Variants in FBN1 observed in about 807,000 individuals in gnomAD.
FBN1 encodes fibrillin 1.
In FBN1, 29 loss-of-function variants were observed where a neutral mutation model predicts 365.1. The observed-to-expected ratio is 0.08, with a 90% CI of 0.06 to 0.11. The LOEUF (loss-of-function observed/expected upper bound fraction) is 0.11, where lower values mean the gene tolerates loss of function less well. FBN1 is among the 10% of genes least tolerant of loss of function. The probability of loss-of-function intolerance (pLI) is 1.00; values close to 1 mark genes in which losing one functional copy is unlikely to be tolerated. For missense variants in FBN1, 2,476 were observed against 3,703.2 expected, an observed-to-expected ratio of 0.67 and a Z score of 8.60; for synonymous variants, 1,210 against 1,270.5, an observed-to-expected ratio of 0.95 and a Z score of 1.01.
chr15:48,437,876 T>C lies in FBN1; in HGVS notation c.6205A>G (p.Lys2069Glu). Reference sequence around the variant, plus strand: ...TTTCTGGATTTGGGTGATGAACACTTTCCTCCTTCAAACTTCGCATAACAG... The same window carrying C: ...TTTCTGGATTTGGGTGATGAACACTCTCCTCCTTCAAACTTCGCATAACAG... Reference protein sequence around the residue: ...SYCYAKFEGGKCSSPKSRNHS... With the variant: ...SYCYAKFEGGECSSPKSRNHS... The change falls in exon 51 of 66, where the codon AAG becomes GAG. Residue 2069 changes from lysine (K) to glutamate (E), a missense_variant. By Grantham distance (56) the Lys-to-Glu change is moderately conservative. This residue lies in a region of FBN1 where 1,780 missense variants were observed against 2,840.8 expected (regional missense o/e 0.63). Transcript: ENST00000316623. 1 of 1,613,874 alleles carries C rather than the reference T, an allele frequency of 6.2e-7. No homozygotes were observed. Among genetic ancestry groups the C allele is most frequent in the East Asian group, 2.2e-5 (1 of 44,866 alleles).
In FBN1 at chr15:48,474,190, G is replaced by A. The variant is rs2043400468; in HGVS notation, c.4210+65C>T. The A allele has an allele frequency of 3.1e-6, 5 of 1,609,504 alleles. No individual in the cohort carries two copies. The Admixed American group carries it at 8.3e-5, about 27-fold the overall frequency. On this transcript the variant is annotated intron_variant, in intron 34 of 65. Coordinates refer to ENST00000316623, the MANE Select transcript of FBN1 (RefSeq NM_000138.5). ...GTCTTCAAAAAAGAATTGCTAGCCT[G>A]AGAAATGTGGAATGCCTGGCTTCTC...
chr15:48,621,521 G>C (rs1889764990), intron 2 of FBN1, among the ~76,000 whole-genome samples: 2 of 151,986 alleles, frequency 1.3e-5, no homozygotes, highest in African/African-American at 4.8e-5. Context: ...AACTGTCAAG[G>C]TCATTAAAAC....
intron 10 of FBN1, among the ~76,000 whole-genome samples, chr15:48,517,097 C>T (rs190980700): frequency 4.7e-4 from 71 of 152,110 alleles, no homozygotes; most frequent in Admixed American, 1.2e-3. Context: ...CTTGCCTGGA[C>T]GGGAAAAATC....
Position 48,503,943 on chromosome 15 carries a change from AAC to A in FBN1, c.1961-6_1961-5del. The A allele has an allele frequency of 3.7e-6, 6 of 1,614,098 alleles. No individual in the cohort carries two copies. The highest frequency in any genetic ancestry group is 5.1e-6 in the Non-Finnish European group (6 of 1,180,016). ...CATGTGCTCCGCATGTGTGTGTCTAAACAGGAAGAAGCATCTGTCATCACACT... is the reference window on the plus strand; with the variant it reads ...CATGTGCTCCGCATGTGTGTGTCTAAAGGAAGAAGCATCTGTCATCACACT... On this transcript the variant is annotated splice_polypyrimidine_tract_variant and splice_region_variant and intron_variant, in intron 16 of 65. Transcript: ENST00000316623.
At chr15:48,456,575 T>C in intron 44 of FBN1, 62 bp downstream of exon 44, 1 of 1,556,152 alleles carries the variant, frequency 6.4e-7, no homozygotes, top group Non-Finnish European at 8.8e-7. Flanking sequence ...TCGCCAAGTG[T>C]GTATCAAGTA....
chr15:48,640,770 G>A (rs1890184130), intron 2 of FBN1, among the ~76,000 whole-genome samples: 1 of 152,200 alleles, frequency 6.6e-6, no homozygotes, highest in African/African-American at 2.4e-5. Flanking sequence ...TGGGAAAGGA[G>A]ATCTCACTGT....
chr15:48,599,861 T>C (rs1220484574), intron 5 of FBN1, among the ~76,000 whole-genome samples: 3 of 152,204 alleles, frequency 2.0e-5, no homozygotes, highest in African/African-American at 7.2e-5. Flanking sequence ...TCTGCTCCTT[T>C]GGTGGTGACT....
chr15:48,439,123 CAG>C (rs1395917382), intron 50 of FBN1, among the ~76,000 whole-genome samples: 3 of 152,158 alleles, frequency 2.0e-5, no homozygotes, highest in Non-Finnish European at 4.4e-5. Context: ...GTAGGAATAA[CAG>C]AGTTGCCAGA....
Position 48,470,977 on chromosome 15 carries a change from C to T in FBN1, c.4337-221G>A, listed in dbSNP as rs142605367. On this transcript the variant is annotated intron_variant, in intron 35 of 65. Transcript: ENST00000316623. The stretch of plus-strand genomic sequence containing the variant: ...TCAGTCTCTATTACATGCCAAGCAG[C>T]GGGCTGAGCATTTTATAGATACATA... Among the ~76,000 whole-genome samples, 643 of 152,112 alleles carry T rather than the reference C, an allele frequency of 4.2e-3. 5 individuals are homozygous for T. The highest frequency in any genetic ancestry group is 6.8e-3 in the Middle Eastern group (2 of 294).
Position 48,465,819 on chromosome 15 carries a change from C to A in FBN1, c.4787G>T (p.Arg1596Leu). ...KILCPGGEGF[R>L]PNPITVILED... ...CAATATAACGGTGATAGGATTTGGT[C>A]GGAAACCTTCCCCTCCAGGACAAAG... The change falls in exon 39 of 66, where the codon CGA (arginine) becomes CTA (leucine). Residue 1596 changes from arginine to leucine, a missense_variant. Arg to Leu is a moderately radical substitution (Grantham distance 102). This residue lies in a region of FBN1 where 1,780 missense variants were observed against 2,840.8 expected (regional missense o/e 0.63). Coordinates refer to ENST00000316623, the MANE Select transcript of FBN1 (RefSeq NM_000138.5). The A allele has an allele frequency of 6.2e-7, 1 of 1,613,768 alleles. No individual in the cohort carries two copies. Among genetic ancestry groups the A allele is most frequent in the South Asian group, 1.1e-5 (1 of 91,022 alleles).
intron 6 of FBN1, among the ~76,000 whole-genome samples, chr15:48,569,465 T>G (rs1270868404): frequency 1.3e-5 from 2 of 152,124 alleles, no homozygotes; most frequent in African/African-American, 4.8e-5. Context: ...ATTCTACACC[T>G]AAATATCCAC....
chr15:48,497,368 G>T lies in FBN1; in HGVS notation c.2191C>A (p.Pro731Thr). 1 of 1,613,744 alleles carries T rather than the reference G, an allele frequency of 6.2e-7. No individual in the cohort carries two copies. ...CAGATTCCATTTGGGCAAATATCAGGATCTAGTGCACATTCATTTATATCT... is the reference window on the plus strand; with the variant it reads ...CAGATTCCATTTGGGCAAATATCAGTATCTAGTGCACATTCATTTATATCT... Reference protein sequence around the residue: ...GSDINECALDPDICPNGICEN... With the variant: ...GSDINECALDTDICPNGICEN... Residue 731 changes from proline (P) to threonine (T), a missense_variant, in exon 19 of 66, where the codon CCT becomes ACT. Around this residue, in one of 5 missense-constraint regions of FBN1, gnomAD observed 1,780 missense variants for 2,840.8 expected, o/e 0.63. Coordinates refer to ENST00000316623, the MANE Select transcript of FBN1 (RefSeq NM_000138.5).
At position 48,534,115 on chromosome 15, in the gene FBN1, C is replaced by T. The variant is rs534859193; in HGVS notation, c.827G>A (p.Gly276Glu). 1 of 1,613,522 alleles carries T rather than the reference C, an allele frequency of 6.2e-7. No homozygotes were observed. Among genetic ancestry groups the T allele is most frequent in the African/African-American group, 1.3e-5 (1 of 74,878 alleles). The change falls in exon 8 of 66, where the codon GGA becomes GAA. Residue 276 changes from glycine (G) to glutamate (E), a missense_variant. By Grantham distance (98) the Gly-to-Glu change is moderately conservative (BLOSUM62 -2). Transcript: ENST00000316623. Reference protein sequence around the residue: ...VGSFECKCPAGHKLNEVSQKC... With the variant: ...VGSFECKCPAEHKLNEVSQKC... ...TTGTGACACTTCATTAAGTTTGTGT[C>T]CAGCAGGGCATTTGCACTCAAAAGA...
At chr15:48,578,324 T>C (rs934294139) in intron 6 of FBN1, among the ~76,000 whole-genome samples, 1 of 152,174 alleles carries the variant, frequency 6.6e-6, no homozygotes, top group Non-Finnish European at 1.5e-5. Flanking sequence ...TTAGGGATGA[T>C]AGTTTTGCTG....
chr15:48,448,772 G>A lies in FBN1; in HGVS notation c.5667C>T (p.Cys1889=). 2 of 1,612,374 alleles carry A rather than the reference G, an allele frequency of 1.2e-6. No homozygotes were observed. The highest frequency in any genetic ancestry group is 2.7e-5 in the African/African-American group (2 of 74,948). The change falls in exon 46 of 66, where the codon TGC becomes TGT. Residue 1889 remains cysteine (C), a synonymous_variant. Transcript: ENST00000316623. The stretch of plus-strand genomic sequence containing the variant: ...TAATAATAATTGCATACTTACCCAA[G>A]CACATGGTTTGGTCATCATTTGTTT... ...GFKTNDDQTM[C]LDINECERDA...
At chr15:48,547,190 A>G (rs1319464402) in intron 6 of FBN1, among the ~76,000 whole-genome samples, 2 of 152,112 alleles carry the variant, frequency 1.3e-5, no homozygotes, top group African/African-American at 2.4e-5. Flanking sequence ...GTGAGCAAGC[A>G]TTTACTCCTA....
At chr15:48,552,194 T>C (rs2044147530) in intron 6 of FBN1, among the ~76,000 whole-genome samples, 1 of 152,168 alleles carries the variant, frequency 6.6e-6, no homozygotes, top group Non-Finnish European at 1.5e-5. Flanking sequence ...AATAGCAGCT[T>C]TAATAGGTGT....
At chr15:48,456,161 T>C (rs1335242303) in intron 44 of FBN1, among the ~76,000 whole-genome samples, 4 of 152,252 alleles carry the variant, frequency 2.6e-5, no homozygotes, top group Admixed American at 6.5e-5. Context: ...ACATTCTTCA[T>C]ATAAAATCAA....
chr15:48,487,109 G>T lies in FBN1; in HGVS notation c.3555C>A (p.Gly1185=), dbSNP rs1292840812. The change falls in exon 29 of 66, where the codon GGC becomes GGA. Residue 1185 remains glycine (G), a synonymous_variant. Coordinates refer to ENST00000316623, the MANE Select transcript of FBN1 (RefSeq NM_000138.5). ...ATAGCCTATCGGGAGTTGAATGGTA[G>T]CCAGGGTTGCAGGCACACTGATACT... is the stretch of plus-strand genomic sequence containing the variant. The part of the protein sequence containing the change: ...IGKYQCACNP[G]YHSTPDRLFC... 1 of 1,614,026 alleles carries T rather than the reference G, an allele frequency of 6.2e-7. No homozygotes were observed. Among genetic ancestry groups the T allele is most frequent in the Non-Finnish European group, 8.5e-7 (1 of 1,179,970 alleles).
Sources: gnomAD v4.1 joint callset for allele counts (sites outside exome capture counted in the v4.1 genomes callset) on GRCh38, gnomAD v4.1.1 for gene constraint, gnomAD v4.1.1 regional missense constraint, MANE v1.5 for transcripts, NCBI Gene and HGNC (gene_info 2026-07-23, HGNC 2026-07-21) for gene names.